DAB1: variants seen among roughly 807,000 people sequenced by gnomAD.
The protein encoded by DAB1 is disabled homolog 1.
In DAB1, 15 loss-of-function variants were observed where a neutral mutation model predicts 64.6. That is an observed-to-expected ratio of 0.23 (90% CI 0.16 to 0.36). DAB1 has a LOEUF of 0.36. Ranked by LOEUF, DAB1 falls within the 10% of genes least tolerant of loss-of-function variation. The pLI is 1.00. For missense variants in DAB1, 596 were observed against 706.7 expected, an observed-to-expected ratio of 0.84 and a Z score of 1.78; for synonymous variants, 235 against 251.9, an observed-to-expected ratio of 0.93 and a Z score of 0.64.
chr1:58,339,599 A>G (rs1354040900), intron 4 of DAB1, among the ~76,000 whole-genome samples: 2 of 152,164 alleles, frequency 1.3e-5, no homozygotes, highest in African/African-American at 4.8e-5. Context: ...CATTCTCACT[A>G]AACTTTGTAA....
intron 6 of DAB1, among the ~76,000 whole-genome samples, chr1:57,666,872 GA>G (rs1646454064): frequency 6.6e-6 from 1 of 151,064 alleles, no homozygotes; most frequent in African/African-American, 2.4e-5. Flanking sequence ...GAGGGAGAGG[GA>G]GGGGGAAGGG....
chr1:57,620,040 T>C (rs1645837123), intron 7 of DAB1, among the ~76,000 whole-genome samples: 1 of 152,214 alleles, frequency 6.6e-6, no homozygotes. Flanking sequence ...TTACTGTATT[T>C]GTTACTTCGT....
chr1:58,501,505 C>A (rs1225805462), intron 3 of DAB1, among the ~76,000 whole-genome samples: 2 of 152,168 alleles, frequency 1.3e-5, no homozygotes, highest in Non-Finnish European at 2.9e-5. Context: ...AAGGCCCACG[C>A]CCTCCCCCTT....
At chr1:57,356,327 G>A (rs931212211) in intron 1 of DAB1, among the ~76,000 whole-genome samples, 7 of 152,100 alleles carry the variant, frequency 4.6e-5, no homozygotes, top group Non-Finnish European at 1.0e-4. Context: ...CCTCTGATCT[G>A]TAGCATGCAG....
chr1:58,376,164 T>TG (rs1330297899), intron 3 of DAB1, among the ~76,000 whole-genome samples: 4 of 150,596 alleles, frequency 2.7e-5, no homozygotes, highest in African/African-American at 9.8e-5. Context: ...AGGGGTTTTT[T>TG]TGTCTCTATT....
chr1:57,959,241 C>T (rs532093535), intron 5 of DAB1, among the ~76,000 whole-genome samples: 1 of 152,176 alleles, frequency 6.6e-6, no homozygotes, highest in Non-Finnish European at 1.5e-5. Flanking sequence ...GGAATGGCAC[C>T]TGCCTCATAG....
Position 57,028,916 on chromosome 1 carries a change from G to A in DAB1, c.724-2873C>T, listed in dbSNP as rs550684622. Among the ~76,000 whole-genome samples the A allele has an allele frequency of 5.9e-5, 9 of 152,166 alleles. No individual in the cohort carries two copies. The East Asian group carries it at 9.7e-4, about 16-fold the overall frequency. ...TTTGAAAAATTTGCAGCCTGACTAC[G>A]TGATAGAAAAAAAAAATTTCTGGGG... On this transcript the variant is annotated intron_variant, in intron 9 of 14. Coordinates refer to ENST00000371236, the MANE Select transcript of DAB1 (RefSeq NM_001365792.1).
intron 7 of DAB1, among the ~76,000 whole-genome samples, chr1:57,534,945 C>A (rs1310622759): frequency 6.6e-6 from 1 of 152,124 alleles, no homozygotes. Context: ...TTCTTAATTT[C>A]TGTAATAATC....
intron 9 of DAB1, among the ~76,000 whole-genome samples, chr1:57,038,287 C>G (rs1396590107): frequency 6.6e-6 from 1 of 152,190 alleles, no homozygotes; most frequent in Non-Finnish European, 1.5e-5. Flanking sequence ...CAGCCGACTT[C>G]TTCTAGCTAT....
At chr1:57,354,369 C>A (rs1446415799) in intron 1 of DAB1, among the ~76,000 whole-genome samples, 1 of 152,102 alleles carries the variant, frequency 6.6e-6, no homozygotes, top group Non-Finnish European at 1.5e-5. Context: ...CTTCAAAAAT[C>A]TAAAGACTTT....
rs533196614 is a variant in DAB1 at position 58,363,363 on chromosome 1, T to G, written n.258-19960A>C. Among the ~76,000 whole-genome samples, 271 of 152,340 alleles carry G rather than the reference T, an allele frequency of 1.8e-3. 3 individuals are homozygous for G. The highest frequency in any genetic ancestry group is 6.2e-3 in the African/African-American group (256 of 41,572). On this transcript the variant is annotated intron_variant and non_coding_transcript_variant, in intron 3 of 20. Coordinates refer to the DAB1 transcript ENST00000485760. ...TAATGACCCACTGGCAGATTTTACC[T>G]GTCAGATTATCCTCTGATAGGCTAA... is the stretch of plus-strand genomic sequence containing the variant.
At chr1:57,884,348 TA>T (rs1644191474), upstream of DAB1, among the ~76,000 whole-genome samples, 1 of 152,164 alleles carries the variant, frequency 6.6e-6, no homozygotes, top group African/African-American at 2.4e-5. Context: ...TGTGCTGAGC[TA>T]AACAAAAGGG....
intron 6 of DAB1, among the ~76,000 whole-genome samples, chr1:57,707,262 A>C (rs1646978868): frequency 6.6e-6 from 1 of 152,054 alleles, no homozygotes; most frequent in Non-Finnish European, 1.5e-5. Flanking sequence ...CACATCACAC[A>C]GTATGTGACC....
At chr1:57,220,359 G>C (rs1176401730) in intron 2 of DAB1, among the ~76,000 whole-genome samples, 1 of 152,188 alleles carries the variant, frequency 6.6e-6, no homozygotes, top group Non-Finnish European at 1.5e-5. Context: ...ACAATTCCCA[G>C]GAGGGCTTGG....
chr1:58,067,391 C>A (rs12124142), intron 5 of DAB1, among the ~76,000 whole-genome samples: 22,662 of 152,160 alleles, frequency 0.15, 1,827 homozygotes, highest in East Asian at 0.31. Context: ...AGAGTAACTA[C>A]CAGCTCTGAC....
chr1:58,457,580 C>T (rs938769582), intron 3 of DAB1, among the ~76,000 whole-genome samples: 4 of 152,178 alleles, frequency 2.6e-5, no homozygotes, highest in African/African-American at 7.2e-5. Flanking sequence ...GAAGGCAGTT[C>T]GTTGTGTTGG....
At chr1:57,958,083 C>A (rs1009209515) in intron 5 of DAB1, among the ~76,000 whole-genome samples, 5 of 151,830 alleles carry the variant, frequency 3.3e-5, no homozygotes, top group African/African-American at 1.2e-4. Flanking sequence ...CTCCCAGGCT[C>A]AAGTGATTCT....
chr1:58,187,426 C>G (rs647552), intron 4 of DAB1, among the ~76,000 whole-genome samples: 118,671 of 151,114 alleles, frequency 0.79, 47,231 homozygotes, highest in South Asian at 0.87. Flanking sequence ...TAGTGAGCTA[C>G]ATCATGCTAC....
At chr1:57,566,955 C>G (rs1328264902) in intron 7 of DAB1, among the ~76,000 whole-genome samples, 2 of 152,124 alleles carry the variant, frequency 1.3e-5, no homozygotes, top group Non-Finnish European at 2.9e-5. Context: ...ATACCAAAGC[C>G]TGGCAGAGAC....
Sources: gnomAD v4.1 joint callset for allele counts (sites outside exome capture counted in the v4.1 genomes callset) on GRCh38, gnomAD v4.1.1 for gene constraint, MANE v1.5 for transcripts, NCBI Gene and HGNC (gene_info 2026-07-23, HGNC 2026-07-21) for gene names.